Variants in KATNAL2 observed in about 807,000 individuals in gnomAD.
KATNAL2 encodes the protein katanin catalytic subunit A1 like 2, also known as katanin p60 ATPase-containing subunit A-like 2.
In KATNAL2, 52 loss-of-function variants were observed where a neutral mutation model predicts 76.3. That is an observed-to-expected ratio of 0.68 (90% confidence interval 0.55 to 0.86). The LOEUF is 0.86. KATNAL2 is among the 40% of genes least tolerant of loss of function. KATNAL2 has a pLI of 0.00. For missense variants in KATNAL2, 660 were observed against 668.9 expected (o/e 0.99, Z 0.15); for synonymous variants, 243 against 244.2 (o/e 1.00, Z 0.05).
At chr18:47,078,932 A>T (rs1341837544) in intron 15 of KATNAL2, among the ~76,000 whole-genome samples, 4 of 152,202 alleles carry the variant, frequency 2.6e-5, no homozygotes, top group Admixed American at 1.3e-4. Context: ...TATGTTCCTT[A>T]TATCATTGAT....
chr18:47,069,188 C>G (rs747593241), intron 11 of KATNAL2, 32 bp from the exon 12 acceptor site: 22 of 1,540,830 alleles, frequency 1.4e-5, no homozygotes, highest in Non-Finnish European at 1.4e-5. Context: ...TGTGTTGGTA[C>G]CAAACCTCAT....
chr18:46,955,624 A>G (rs2059723644), intron 3 of KATNAL2, among the ~76,000 whole-genome samples: 1 of 152,062 alleles, frequency 6.6e-6, no homozygotes, highest in Admixed American at 6.5e-5. Context: ...CATTGGTGCC[A>G]TCAAGGCTCA....
intron 3 of KATNAL2, among the ~76,000 whole-genome samples, chr18:47,031,411 C>T (rs1017880703): frequency 1.9e-4 from 29 of 151,644 alleles, no homozygotes; most frequent in African/African-American, 6.5e-4. Context: ...TTTTTTGTGT[C>T]TCTCTGTCTT....
chr18:46,950,713 T>C (rs1458753732), intron 3 of KATNAL2, among the ~76,000 whole-genome samples: 1 of 152,174 alleles, frequency 6.6e-6, no homozygotes, highest in Non-Finnish European at 1.5e-5. Flanking sequence ...AGACAGAGTT[T>C]CACTCTTGAT....
At position 47,035,110 on chromosome 18, in the gene KATNAL2, G is replaced by A. The variant is rs141717482; in HGVS notation, c.52-11347G>A. 4,571 of 1,611,264 alleles carry A rather than the reference G, an allele frequency of 2.8e-3. 11 individuals carry two copies. The highest frequency in any genetic ancestry group is 3.3e-3 in the Non-Finnish European group (3,913 of 1,179,502). ...CTGGTGCTTCCGCAGGCGCTTCACCGTCTTTCTGATTCCAGTCTCCGCCAG... is the reference window on the plus strand; with the variant it reads ...CTGGTGCTTCCGCAGGCGCTTCACCATCTTTCTGATTCCAGTCTCCGCCAG... On this transcript the variant is annotated intron_variant, in intron 3 of 17. Coordinates refer to ENST00000683218, the MANE Select transcript of KATNAL2 (RefSeq NM_001387690.1).
At chr18:47,061,913 G>T (rs542520385) in intron 8 of KATNAL2, among the ~76,000 whole-genome samples, 2 of 152,022 alleles carry the variant, frequency 1.3e-5, no homozygotes, top group East Asian at 1.9e-4. Flanking sequence ...CTCTAGGGGG[G>T]ACAGGGTGAT....
intron 3 of KATNAL2, among the ~76,000 whole-genome samples, chr18:46,961,008 G>C (rs1181069243): frequency 6.6e-6 from 1 of 152,196 alleles, no homozygotes; most frequent in African/African-American, 2.4e-5. Flanking sequence ...ACGTTAAAGG[G>C]TCATGATAGA....
chr18:47,034,011 C>T (rs1258805145), intron 3 of KATNAL2: 4 of 1,613,982 alleles, frequency 2.5e-6, no homozygotes, highest in Non-Finnish European at 3.4e-6. Context: ...CACGAGTGCC[C>T]TTGGATTCGT....
At chr18:47,060,088 C>T (rs1159945926) in intron 8 of KATNAL2, among the ~76,000 whole-genome samples, 1 of 151,604 alleles carries the variant, frequency 6.6e-6, no homozygotes, top group African/African-American at 2.4e-5. Context: ...CCTCAAACTC[C>T]TGGGCTCAAA....
intron 1 of KATNAL2, among the ~76,000 whole-genome samples, chr18:46,932,001 C>T (rs757015371): frequency 2.0e-5 from 3 of 151,406 alleles, no homozygotes; most frequent in Admixed American, 1.3e-4. Context: ...ACCTCCGACT[C>T]CTGGGTTCAA....
At chr18:47,042,591 T>G (rs1014472464) in intron 3 of KATNAL2, among the ~76,000 whole-genome samples, 2 of 151,956 alleles carry the variant, frequency 1.3e-5, no homozygotes, top group African/African-American at 2.4e-5. Context: ...AATCAGAGAA[T>G]AAGAAGAAGC....
rs771988164 is a variant in KATNAL2 at position 47,033,632 on chromosome 18, T to A, written c.52-12825T>A. ...CAGTAGGGGACCTCTCCCACGTCGC[T>A]GAGGGCGTCCGGATTGTTTCTAAGC... On this transcript the variant is annotated intron_variant, in intron 3 of 17. Transcript: ENST00000683218. 1.9e-6 allele frequency: 3 copies of A among 1,614,156 alleles called. No homozygotes were observed. Among genetic ancestry groups the A allele is most frequent in the Non-Finnish European group, 1.7e-6 (2 of 1,180,032 alleles).
chr18:47,064,821 C>T (rs1412641647), intron 10 of KATNAL2, among the ~76,000 whole-genome samples: 2 of 152,100 alleles, frequency 1.3e-5, no homozygotes, highest in Admixed American at 1.3e-4. Context: ...ACGGAGAGCT[C>T]ACCACCTCAT....
At chr18:47,073,021 G>T in intron 13 of KATNAL2, among the ~76,000 whole-genome samples, 1 of 152,132 alleles carries the variant, frequency 6.6e-6, no homozygotes, top group East Asian at 1.9e-4. Context: ...CATATAGTAT[G>T]GGACAATTTG....
chr18:47,052,171 C>T (rs1424823703), intron 4 of KATNAL2, among the ~76,000 whole-genome samples: 1 of 152,176 alleles, frequency 6.6e-6, no homozygotes, highest in Non-Finnish European at 1.5e-5. Flanking sequence ...TGAGACACAG[C>T]CCTTGCTTCC....
intron 1 of KATNAL2, among the ~76,000 whole-genome samples, chr18:46,936,346 A>G (rs1599360358): frequency 1.3e-5 from 2 of 152,230 alleles, no homozygotes; most frequent in South Asian, 2.1e-4. Flanking sequence ...CTGAAATCAT[A>G]CAGAGTACAG....
chr18:47,099,013 T>G, intron 15 of KATNAL2: 1 of 392,744 alleles, frequency 2.5e-6, no homozygotes, highest in Non-Finnish European at 4.5e-6. Flanking sequence ...CTCTTTCTTC[T>G]CCTTCCTTTC....
At chr18:46,962,055 T>C (rs973924445) in intron 3 of KATNAL2, among the ~76,000 whole-genome samples, 3 of 152,176 alleles carry the variant, frequency 2.0e-5, no homozygotes, top group Non-Finnish European at 4.4e-5. Context: ...AAATATAATA[T>C]GAGGAAATGC....
chr18:47,038,233 A>C (rs1253940158), intron 3 of KATNAL2, among the ~76,000 whole-genome samples: 1 of 152,230 alleles, frequency 6.6e-6, no homozygotes, highest in African/African-American at 2.4e-5. Context: ...AGGATTAAGA[A>C]TTAGACCTCT....
Sources: gnomAD v4.1 joint callset for allele counts (sites outside exome capture counted in the v4.1 genomes callset) on GRCh38, gnomAD v4.1.1 for gene constraint, MANE v1.5 for transcripts, NCBI Gene and HGNC (gene_info 2026-07-23, HGNC 2026-07-21) for gene names.